The following EYS variants were observed in gnomAD, a reference collection of about 807,000 sequenced individuals.
EYS encodes the protein protein eyes shut homolog.
In EYS, 250 loss-of-function variants were observed where a neutral mutation model predicts 282.1. The ratio of observed to expected loss-of-function variants is 0.89; its 90% CI spans 0.80 to 0.98. The LOEUF is 0.98. Among genes scored for constraint, EYS ranks in the 50% least tolerant of loss-of-function variants. The probability of loss-of-function intolerance (pLI) is 0.00; values close to 1 mark genes in which losing one functional copy is unlikely to be tolerated. For synonymous variants in EYS, 1,355 were observed against 1,282.9 expected (o/e 1.06, Z -1.20); for missense variants, 4,016 against 3,709.0 (o/e 1.08, Z -2.15).
intron 31 of EYS, among the ~76,000 whole-genome samples, chr6:64,230,110 T>A (rs1440228988): frequency 6.6e-6 from 1 of 152,228 alleles, no homozygotes; most frequent in Non-Finnish European, 1.5e-5. Context: ...TTTTCATTCA[T>A]TAACAGCTTC....
chr6:64,903,557 CA>C (rs1767732402), intron 16 of EYS, among the ~76,000 whole-genome samples: 1 of 152,240 alleles, frequency 6.6e-6, no homozygotes, highest in African/African-American at 2.4e-5. Context: ...CTCTTTCTAT[CA>C]CAAATATCTC....
chr6:65,339,879 T>C (rs2150316934), intron 10 of EYS, among the ~76,000 whole-genome samples: 1 of 151,328 alleles, frequency 6.6e-6, no homozygotes, highest in Admixed American at 6.6e-5. Flanking sequence ...GAAGAAGATT[T>C]ATATACATTT....
chr6:64,093,098 G>A (rs1032078510), intron 31 of EYS, among the ~76,000 whole-genome samples: 23 of 152,180 alleles, frequency 1.5e-4, no homozygotes, highest in African/African-American at 5.3e-4. Flanking sequence ...GCTGTGTTCT[G>A]TTCCATTGGT....
At position 64,439,281 on chromosome 6, in the gene EYS, T is replaced by C; in HGVS notation, c.5716A>G (p.Asn1906Asp). 1 of 1,524,466 alleles carries C rather than the reference T, an allele frequency of 6.6e-7. No individual in the cohort carries two copies. 94.4% of individuals were successfully genotyped at this position (1,524,466 alleles called of 1,614,324 possible). A position where few individuals can be genotyped will look rare whatever the true frequency, so the allele number is the denominator to read the frequency against. ...AAGGTCTGAAATTCTAGGGAGATGT[T>C]ATTTTGTGGATTTAAAGCCACATTC... ...FQNVALNPQN[N>D]ISLEFQTFSS... is the part of the protein sequence containing the mutation. Residue 1906 changes from asparagine to aspartate, a missense_variant, in exon 27 of 43, where the codon AAC becomes GAC. Coordinates refer to ENST00000503581, the MANE Select transcript of EYS (RefSeq NM_001142800.2).
chr6:63,987,945 C>G (rs1767442664), intron 34 of EYS, among the ~76,000 whole-genome samples: 1 of 151,530 alleles, frequency 6.6e-6, no homozygotes, highest in South Asian at 2.1e-4. Context: ...GTCAAACTAA[C>G]TCTGTATTTG....
intron 1 of EYS, among the ~76,000 whole-genome samples, chr6:65,654,492 G>A (rs1165214818): frequency 6.6e-6 from 1 of 151,738 alleles, no homozygotes; most frequent in Admixed American, 6.6e-5. Flanking sequence ...TCCAGCATCT[G>A]AGGTAATGAC....
intron 22 of EYS, among the ~76,000 whole-genome samples, chr6:64,738,639 G>T (rs901230643): frequency 6.6e-6 from 1 of 152,080 alleles, no homozygotes; most frequent in Non-Finnish European, 1.5e-5. Flanking sequence ...GAACAGTTTA[G>T]TCTATGTTCA....
intron 30 of EYS, among the ~76,000 whole-genome samples, chr6:64,241,853 A>C (rs1157992210): frequency 1.3e-5 from 2 of 152,168 alleles, no homozygotes; most frequent in African/African-American, 2.4e-5. Flanking sequence ...TTTCCTCTGC[A>C]CACTGCTTTA....
intron 30 of EYS, among the ~76,000 whole-genome samples, chr6:64,252,369 T>C (rs1582488100): frequency 6.6e-6 from 1 of 152,264 alleles, no homozygotes; most frequent in East Asian, 1.9e-4. Context: ...ATCATTGGTA[T>C]ATGTCTGACA....
intron 5 of EYS, among the ~76,000 whole-genome samples, chr6:65,486,885 C>T (rs7771245): frequency 0.011 from 1,674 of 152,134 alleles, 31 homozygotes; most frequent in African/African-American, 0.038. Context: ...TGAAGAGGTC[C>T]TTCACATCCC....
chr6:65,246,134 A>C (rs493921), intron 12 of EYS, among the ~76,000 whole-genome samples: 59,063 of 151,932 alleles, frequency 0.39, 12,621 homozygotes, highest in African/African-American at 0.57. Flanking sequence ...GGTACTATGT[A>C]ATAGCAATAA....
chr6:64,807,129 A>G (rs1333400410), intron 22 of EYS, among the ~76,000 whole-genome samples: 1 of 152,118 alleles, frequency 6.6e-6, no homozygotes. Flanking sequence ...AAAGTCATTA[A>G]TGTCTTTAAA....
chr6:64,560,902 A>C (rs936435591), intron 26 of EYS, among the ~76,000 whole-genome samples: 3 of 152,124 alleles, frequency 2.0e-5, no homozygotes, highest in Non-Finnish European at 4.4e-5. Context: ...AGAAAACTTC[A>C]GGCCAGTATT....
intron 2 of EYS, among the ~76,000 whole-genome samples, chr6:65,615,920 C>T (rs1582522203): frequency 1.4e-5 from 2 of 141,236 alleles, no homozygotes; most frequent in African/African-American, 5.3e-5. Context: ...GGCGAGAGAG[C>T]GAGACTCCAT....
At chr6:64,423,548 G>C (rs962694367) in intron 28 of EYS, among the ~76,000 whole-genome samples, 6 of 152,148 alleles carry the variant, frequency 3.9e-5, no homozygotes, top group African/African-American at 1.4e-4. Context: ...TCCTTTCACA[G>C]GTATGTTAAG....
intron 30 of EYS, among the ~76,000 whole-genome samples, chr6:64,282,414 G>T (rs1582531262): frequency 1.3e-5 from 2 of 152,108 alleles, no homozygotes; most frequent in East Asian, 3.9e-4. Context: ...GCCCTATCAG[G>T]AGTGAAATAT....
intron 19 of EYS, among the ~76,000 whole-genome samples, chr6:64,862,496 C>T (rs1364737228): frequency 6.6e-6 from 1 of 152,030 alleles, no homozygotes. Flanking sequence ...CTTATTCCTA[C>T]ATTTCTGCTA....
intron 19 of EYS, among the ~76,000 whole-genome samples, chr6:64,840,213 A>T (rs372171718): frequency 6.6e-6 from 1 of 152,086 alleles, no homozygotes; most frequent in African/African-American, 2.4e-5. Context: ...TTGCTATAAG[A>T]TTATCATGGT....
intron 29 of EYS, among the ~76,000 whole-genome samples, chr6:64,343,934 T>G (rs668178): frequency 0.72 from 109,006 of 151,922 alleles, 39,299 homozygotes; most frequent in African/African-American, 0.79. Context: ...ACACCTCTAC[T>G]CAAATAAACT....
Sources: gnomAD v4.1 joint callset for allele counts (sites outside exome capture counted in the v4.1 genomes callset) on GRCh38, gnomAD v4.1.1 for gene constraint, MANE v1.5 for transcripts, NCBI Gene and HGNC (gene_info 2026-07-23, HGNC 2026-07-21) for gene names.